ELN: variants seen among roughly 807,000 people sequenced by gnomAD.
ELN encodes tropoelastin.
A neutral mutation model predicts 105.8 loss-of-function variants in ELN; 65 were observed. That is an observed-to-expected ratio of 0.61 (90% CI 0.50 to 0.75). ELN has a LOEUF of 0.75. ELN is among the 30% of genes least tolerant of loss of function. The pLI is 0.00. For missense variants in ELN, 882 were observed against 969.4 expected (o/e 0.91, Z 1.20); for synonymous variants, 368 against 389.2 (o/e 0.95, Z 0.64).
rs1794142381 is a variant in ELN, at chr7:74,051,950, G to A, written c.916G>A (p.Ala306Thr). The change falls in exon 17 of 33, where the codon GCT becomes ACT. Residue 306 changes from alanine to threonine, a missense_variant. Ala to Thr is a moderately conservative substitution (Grantham distance 58, BLOSUM62 0). Coordinates refer to ENST00000252034, the MANE Select transcript of ELN (RefSeq NM_000501.4). ...CGTTGGGACTCCAGCTGCAGCTGCA[G>A]CTGCAGCAGCAGCCGCTAAGGCAGC... is the stretch of plus-strand genomic sequence containing the variant. ...AGVGTPAAAA[A>T]AAAAAKAAKY... 5.0e-6 allele frequency: 8 copies of A among 1,612,740 alleles called. No individual in the cohort carries two copies. Among genetic ancestry groups the A allele is most frequent in the Non-Finnish European group, 6.8e-6 (8 of 1,179,918 alleles).
intron 3 of ELN, among the ~76,000 whole-genome samples, chr7:74,036,978 G>A (rs1394537812): frequency 1.3e-5 from 2 of 151,778 alleles, no homozygotes; most frequent in African/African-American, 4.8e-5. Context: ...GTGCCACCAC[G>A]CCCAGCTTAT....
intron 32 of ELN, 106 bp from the exon 33 acceptor site, chr7:74,068,541 ACTTGGCTTCT>A (rs1286964420): frequency 1.0e-5 from 13 of 1,300,678 alleles, no homozygotes; most frequent in Middle Eastern, 2.0e-4. Flanking sequence ...TGGGGCCATG[ACTTGGCTTCT>A]CTTGGCTTCT....
At chr7:74,044,049 C>T (rs949435826) in intron 9 of ELN, 129 bp downstream of exon 9, 2 of 1,248,960 alleles carry the variant, frequency 1.6e-6, no homozygotes, top group Non-Finnish European at 2.3e-6. Context: ...AGTTTGAGAC[C>T]AGCCTGGGCA....
At chr7:74,046,316 A>G (rs1792513105) in intron 11 of ELN, 99 bp downstream of exon 11, 1 of 1,550,174 alleles carries the variant, frequency 6.5e-7, no homozygotes, top group African/African-American at 1.4e-5. Flanking sequence ...AGCCTGCCCA[A>G]TTTCTCCCAC....
intron 11 of ELN, 155 bp from the exon 12 acceptor site, chr7:74,046,541 A>C (rs1554672307): frequency 1.1e-5 from 9 of 820,984 alleles, no homozygotes; most frequent in Non-Finnish European, 1.8e-5. Context: ...GGAATTTCTC[A>C]ACTGACCCAT....
chr7:74,054,718 G>T lies in ELN; in HGVS notation c.1099G>T (p.Val367Phe), dbSNP rs1216302521. Residue 367 changes from valine (V) to phenylalanine (F), a missense_variant and splice_region_variant, in exon 19 of 33, where the codon GTT (valine) becomes TTT (phenylalanine). By Grantham distance (50) the Val-to-Phe change is conservative. Transcript: ENST00000252034. ...AGIPGAAVPG[V>F]VSPEAAAKAA... ...TGTGTCCCTTTTGGTCTCTCCAGGG[G>T]TTGTGTCACCAGAAGCAGCTGCTAA... is the stretch of plus-strand genomic sequence containing the variant. The T allele has an allele frequency of 1.2e-6, 2 of 1,614,180 alleles. No homozygotes were observed. The highest frequency in any genetic ancestry group is 2.2e-5 in the South Asian group (2 of 91,076).
chr7:74,053,353 T>C (rs782018461), intron 18 of ELN, 44 bp downstream of exon 18: 1 of 1,600,728 alleles, frequency 6.2e-7, no homozygotes, highest in Admixed American at 1.7e-5. Flanking sequence ...TGTGTGTGTG[T>C]GTGTGTATTA....
At chr7:74,057,612 C>G (rs1554681112) in intron 21 of ELN, 28 bp from the exon 22 acceptor site, 1 of 1,613,712 alleles carries the variant, frequency 6.2e-7, no homozygotes, top group Non-Finnish European at 8.5e-7. Context: ...AGAGATTACT[C>G]TCTCACCCCT....
At position 74,068,849 on chromosome 7, in the gene ELN, G is replaced by A; in HGVS notation, c.*149G>A. 1.0e-6 allele frequency: 1 copy of A among 957,732 alleles called. No homozygotes were observed. The highest frequency in any genetic ancestry group is 2.6e-5 in the East Asian group (1 of 39,204). The allele number at this position is 957,732 out of a possible 1,614,324, so 59.3% of individuals were successfully genotyped here. A position where few individuals can be genotyped will look rare whatever the true frequency, so the allele number is the denominator to read the frequency against. ...GGCCGGGCGGCCTTGCAGATCCACA[G>A]GGCAAGGAAACAAGAGGGGAGCGGC... On this transcript the variant is annotated 3_prime_UTR_variant, in exon 33 of 33. Transcript: ENST00000252034.
chr7:74,040,447 G>A (rs1790938349), intron 4 of ELN, among the ~76,000 whole-genome samples: 2 of 152,212 alleles, frequency 1.3e-5, no homozygotes, highest in African/African-American at 2.4e-5. Context: ...GGTTAGTAAC[G>A]GAGACCACAC....
intron 1 of ELN, among the ~76,000 whole-genome samples, chr7:74,030,997 C>T (rs1788534187): frequency 6.6e-6 from 1 of 152,336 alleles, no homozygotes; most frequent in Admixed American, 6.5e-5. Context: ...CCCTTGGCAG[C>T]CTTCTGCATG....
chr7:74,051,703 C>T (rs1367886643), intron 15 of ELN, 47 bp from the exon 16 acceptor site: 5 of 1,608,382 alleles, frequency 3.1e-6, no homozygotes, highest in African/African-American at 2.7e-5. Context: ...TGCCTGTCCT[C>T]AGGAGGGTCC....
At chr7:74,050,175 A>G (rs1793693275) in intron 15 of ELN, among the ~76,000 whole-genome samples, 1 of 139,104 alleles carries the variant, frequency 7.2e-6, no homozygotes, top group Non-Finnish European at 1.6e-5. Flanking sequence ...CCATCCATCC[A>G]CTCACCCATC....
At chr7:74,062,719 T>C (rs1796965745) in intron 26 of ELN, among the ~76,000 whole-genome samples, 1 of 152,084 alleles carries the variant, frequency 6.6e-6, no homozygotes, top group South Asian at 2.1e-4. Flanking sequence ...CCTGGCTAAT[T>C]TTTGTATTTT....
At chr7:74,044,319 A>G (rs1165353460) in intron 9 of ELN, among the ~76,000 whole-genome samples, 1 of 151,968 alleles carries the variant, frequency 6.6e-6, no homozygotes, top group Admixed American at 6.6e-5. Flanking sequence ...CCCGAAAAGC[A>G]GAGGCCACCA....
In ELN at chr7:74,043,304, C is replaced by CGGG. The variant is rs1791682268; in HGVS notation, c.427+136_427+137insGGG. 1.1e-5 allele frequency: 14 copies of CGGG among 1,306,810 alleles called. No homozygotes were observed. In the Admixed American group the frequency reaches 2.2e-4, roughly 20 times the overall value. 81.0% of individuals were successfully genotyped at this position (1,306,810 alleles called of 1,614,324 possible). A position where few individuals can be genotyped will look rare whatever the true frequency, so the allele number is the denominator to read the frequency against. On this transcript the variant is annotated intron_variant, in intron 8 of 32. Coordinates refer to ENST00000252034, the MANE Select transcript of ELN (RefSeq NM_000501.4). ...GGCTTCAGTCGGGCAGAGAAACTAG[C>CGGG]CAGGCTGGTGCCTGCGTCTGTGAAA... is the stretch of plus-strand genomic sequence containing the variant.
chr7:74,036,614 C>G, intron 3 of ELN, 30 bp downstream of exon 3: 1 of 1,614,100 alleles, frequency 6.2e-7, no homozygotes, highest in East Asian at 2.2e-5. Flanking sequence ...TTGTTCATCA[C>G]TGAAAGGGCC....
At chr7:74,044,343 C>G (rs1411562115) in intron 9 of ELN, among the ~76,000 whole-genome samples, 1 of 152,122 alleles carries the variant, frequency 6.6e-6, no homozygotes, top group African/African-American at 2.4e-5. Context: ...GCCCTGGGTC[C>G]TGACCTGAGC....
intron 1 of ELN, among the ~76,000 whole-genome samples, chr7:74,032,256 A>T (rs1374028151): frequency 6.6e-6 from 1 of 152,192 alleles, no homozygotes; most frequent in Non-Finnish European, 1.5e-5. Flanking sequence ...CTCCAGGCCA[A>T]CTGCTTAGGG....
Sources: allele counts gnomAD v4.1 joint callset (sites outside exome capture counted in the v4.1 genomes callset), GRCh38; gene constraint gnomAD v4.1.1; transcripts MANE v1.5; gene names NCBI Gene and HGNC (gene_info 2026-07-23, HGNC 2026-07-21).